RASSF3: variants seen among roughly 807,000 people sequenced by gnomAD.
RASSF3 encodes the protein Ras association domain family member 3, also known as ras association domain-containing protein 3.
A neutral mutation model predicts 19.9 loss-of-function variants in RASSF3; 19 were observed. The observed-to-expected ratio is 0.96, with a 90% confidence interval of 0.67 to 1.40. RASSF3 has a LOEUF of 1.40. Among genes scored for constraint, RASSF3 ranks in the 40% most tolerant of loss-of-function variants. RASSF3 has a pLI of 0.00. For synonymous variants in RASSF3, 110 were observed against 104.2 expected (o/e 1.06, Z -0.34); for missense variants, 306 against 289.8 (o/e 1.06, Z -0.41).
chr12:64,561,150 C>T (rs543170997), intron 2 of RASSF3, among the ~76,000 whole-genome samples: 1 of 152,202 alleles, frequency 6.6e-6, no homozygotes, highest in South Asian at 2.1e-4. Flanking sequence ...CAATTATGCT[C>T]CCTGCAGCCG....
chr12:64,617,781 A>C (rs1255423687), intron 1 of RASSF3, among the ~76,000 whole-genome samples: 1 of 151,236 alleles, frequency 6.6e-6, no homozygotes, highest in Non-Finnish European at 1.5e-5. Context: ...CTGGTCTTGA[A>C]CTCCTGACCT....
rs534369465 is a variant in RASSF3 at position 64,612,328 on chromosome 12, A to T, written c.111+1585A>T. Among the ~76,000 whole-genome samples the T allele has an allele frequency of 1.4e-3, 207 of 152,236 alleles. 2 individuals carry two copies. Among genetic ancestry groups the T allele is most frequent in the East Asian group, 3.1e-3 (16 of 5,184 alleles). ...GAAGTTTATTCCAGAGGTGTCTGCT[A>T]ATCTCCTGAAAACTGGCTGGTTCTT... On this transcript the variant is annotated intron_variant, in intron 1 of 4. Transcript: ENST00000542104.
At chr12:64,597,660 G>A (rs985806069) in intron 2 of RASSF3, among the ~76,000 whole-genome samples, 1 of 151,792 alleles carries the variant, frequency 6.6e-6, no homozygotes, top group East Asian at 1.9e-4. Context: ...GTTTCACCAT[G>A]TTGCCCAGGC....
rs908868286 is a variant in RASSF3, at chr12:64,625,215, TTTATTA to T, written c.111+14487_111+14492del. Reference sequence around the variant, plus strand: ...GCTCCAGTCATTCCTGGAGGATTAATTTATTATTATTATTATTATTTTTTAGCTGCA... The same window carrying T: ...GCTCCAGTCATTCCTGGAGGATTAATTTATTATTATTATTTTTTAGCTGCA... On this transcript the variant is annotated intron_variant, in intron 1 of 4. Coordinates refer to ENST00000542104, the MANE Select transcript of RASSF3 (RefSeq NM_178169.4). Among the ~76,000 whole-genome samples, 14 of 151,940 alleles carry T rather than the reference TTTATTA, an allele frequency of 9.2e-5. No homozygotes were observed. In the South Asian group the frequency reaches 1.2e-3, roughly 14 times the overall value.
At chr12:64,615,630 G>T (rs1049620350) in intron 1 of RASSF3, among the ~76,000 whole-genome samples, 34 of 151,998 alleles carry the variant, frequency 2.2e-4, no homozygotes, top group Admixed American at 5.9e-4. Context: ...TGGGGTAAAA[G>T]AATAGTGGTT....
intron 2 of RASSF3, among the ~76,000 whole-genome samples, chr12:64,584,141 G>A (rs181875744): frequency 6.6e-6 from 1 of 152,302 alleles, no homozygotes; most frequent in Admixed American, 6.5e-5. Flanking sequence ...TAACTTATGA[G>A]CTGCAGCAAA....
intron 2 of RASSF3, among the ~76,000 whole-genome samples, chr12:64,578,911 G>A (rs1322179195): frequency 1.3e-5 from 2 of 152,126 alleles, no homozygotes; most frequent in Admixed American, 6.6e-5. Flanking sequence ...TTAGGAAGCC[G>A]AGGTGGGTGG....
Position 64,632,319 on chromosome 12 carries a change from G to A in RASSF3, c.111+21576G>A, listed in dbSNP as rs550960476. Reference sequence around the variant, plus strand: ...GAGGGTTGGCAGGCTCTGAAAGGCCGTGCTTGCCAGCCTGAGGATTGAATA... The same window carrying A: ...GAGGGTTGGCAGGCTCTGAAAGGCCATGCTTGCCAGCCTGAGGATTGAATA... On this transcript the variant is annotated intron_variant, in intron 1 of 4. Transcript: ENST00000542104. Among the ~76,000 whole-genome samples, 43 of 152,302 alleles carry A rather than the reference G, an allele frequency of 2.8e-4. No homozygotes were observed. The South Asian group carries it at 8.7e-3, about 31-fold the overall frequency.
At chr12:64,518,329 C>T (rs1410215200) in intron 1 of RASSF3, among the ~76,000 whole-genome samples, 1 of 152,128 alleles carries the variant, frequency 6.6e-6, no homozygotes, top group Admixed American at 6.5e-5. Flanking sequence ...TATATTGGCC[C>T]ATGGTTCTGC....
At chr12:64,521,921 C>A (rs748822598) in intron 1 of RASSF3, among the ~76,000 whole-genome samples, 2 of 152,208 alleles carry the variant, frequency 1.3e-5, no homozygotes, top group Non-Finnish European at 2.9e-5. Context: ...CCTCTGGGGT[C>A]CCTTCTCCCA....
intron 1 of RASSF3, among the ~76,000 whole-genome samples, chr12:64,653,090 A>G (rs112054509): frequency 1.3e-5 from 2 of 152,200 alleles, no homozygotes; most frequent in Non-Finnish European, 2.9e-5. Flanking sequence ...CTCTTTTGAG[A>G]TAGGGTCTCA....
chr12:64,602,227 A>G (rs1870105449), intron 2 of RASSF3, among the ~76,000 whole-genome samples: 1 of 151,326 alleles, frequency 6.6e-6, no homozygotes, highest in African/African-American at 2.4e-5. Flanking sequence ...GGTTGAGCTC[A>G]GGAGTTTGAG....
chr12:64,528,407 C>T (rs7969932), upstream of RASSF3, among the ~76,000 whole-genome samples: 86,118 of 152,042 alleles, frequency 0.57, 24,990 homozygotes, highest in East Asian at 0.97. Context: ...CGGCAACTGA[C>T]GCTTAGAGTG....
intron 1 of RASSF3, among the ~76,000 whole-genome samples, chr12:64,645,866 G>C (rs73321733): frequency 0.14 from 20,978 of 152,070 alleles, 2,046 homozygotes; most frequent in African/African-American, 0.28. Flanking sequence ...ACCCAGGAAG[G>C]TTCCTATGTG....
intron 2 of RASSF3, among the ~76,000 whole-genome samples, chr12:64,586,491 G>GAAAAAAAAAAAA (rs10708538): frequency 2.9e-5 from 2 of 70,130 alleles, no homozygotes; most frequent in Non-Finnish European, 4.9e-5. Context: ...CTCCTTCTCA[G>GAAAAAAAAAAAA]AAAAAAAAAA....
At chr12:64,534,873 T>C (rs1868789456) in intron 1 of RASSF3, among the ~76,000 whole-genome samples, 1 of 152,220 alleles carries the variant, frequency 6.6e-6, no homozygotes. Flanking sequence ...TACCATTATC[T>C]AGAGGCTCTT....
intron 1 of RASSF3, among the ~76,000 whole-genome samples, chr12:64,665,461 A>G (rs969002664): frequency 3.2e-4 from 49 of 152,194 alleles, no homozygotes; most frequent in African/African-American, 1.2e-3. Context: ...ACCAAGTTTG[A>G]TAATAAATAC....
At chr12:64,575,644 T>C (rs991080818) in intron 2 of RASSF3, 7 of 152,030 alleles carry the variant, frequency 4.6e-5, no homozygotes, top group Admixed American at 1.3e-4. Context: ...AAACTAAAGA[T>C]TTTTTTAAAA....
chr12:64,517,349 T>C (rs1868386208), intron 1 of RASSF3, among the ~76,000 whole-genome samples: 1 of 151,882 alleles, frequency 6.6e-6, no homozygotes, highest in Admixed American at 6.6e-5. Flanking sequence ...TGGTCACAAT[T>C]AAAATTCAAA....
Sources: gnomAD v4.1 joint callset for allele counts (sites outside exome capture counted in the v4.1 genomes callset) on GRCh38, gnomAD v4.1.1 for gene constraint, MANE v1.5 for transcripts, NCBI Gene and HGNC (gene_info 2026-07-23, HGNC 2026-07-21) for gene names.